Variants in ZNF385D observed in about 807,000 individuals in gnomAD.
The protein encoded by ZNF385D is zinc finger protein 385D, also known as zinc finger protein 659.
Under a neutral mutation model 35.8 loss-of-function variants are expected in ZNF385D, and 15 were observed. The ratio of observed to expected loss-of-function variants is 0.42; its 90% CI spans 0.28 to 0.64. The LOEUF is 0.64. ZNF385D is among the 30% of genes least tolerant of loss of function. ZNF385D has a pLI of 0.23. For synonymous variants in ZNF385D, 212 were observed against 186.8 expected, an observed-to-expected ratio of 1.13 and a Z score of -1.10; for missense variants, 474 against 494.6, an observed-to-expected ratio of 0.96 and a Z score of 0.39.
rs116453221 is a variant in ZNF385D, at chr3:22,108,019, C to T, written c.325+60798G>A. ...TGCCCTTCTGCCTTATACCATGTGA[C>T]GATGCAGAAAGAACGCCCTTACTAG... On this transcript the variant is annotated intron_variant, in intron 3 of 5. Transcript: ENST00000494108. Among the ~76,000 whole-genome samples the T allele has an allele frequency of 2.2e-3, 334 of 151,518 alleles. 1 individual carries two copies. Among genetic ancestry groups the T allele is most frequent in the African/African-American group, 7.7e-3 (319 of 41,288 alleles).
intron 3 of ZNF385D, among the ~76,000 whole-genome samples, chr3:22,092,532 T>C (rs577124437): frequency 3.3e-5 from 5 of 152,262 alleles, no homozygotes; most frequent in Admixed American, 3.3e-4. Flanking sequence ...AACCCTGCCA[T>C]GCAGATGTTC....
intron 2 of ZNF385D, among the ~76,000 whole-genome samples, chr3:22,267,687 C>G (rs539924976): frequency 1.3e-5 from 2 of 151,824 alleles, no homozygotes; most frequent in Non-Finnish European, 2.9e-5. Flanking sequence ...GTGCAAATAA[C>G]GAATCAACTT....
At chr3:22,028,081 G>A (rs932489824) in intron 3 of ZNF385D, among the ~76,000 whole-genome samples, 4 of 152,198 alleles carry the variant, frequency 2.6e-5, no homozygotes, top group Non-Finnish European at 4.4e-5. Context: ...TTCATGGGCT[G>A]TAGTCAATGG....
intron 3 of ZNF385D, among the ~76,000 whole-genome samples, chr3:22,072,546 T>C (rs775154621): frequency 3.3e-5 from 5 of 152,042 alleles, no homozygotes; most frequent in South Asian, 2.1e-4. Flanking sequence ...AGATTGGTTA[T>C]AGAGTTGCAA....
At chr3:22,000,782 TGAA>T (rs1252925782) in intron 3 of ZNF385D, among the ~76,000 whole-genome samples, 4 of 150,624 alleles carry the variant, frequency 2.7e-5, no homozygotes, top group African/African-American at 9.8e-5. Flanking sequence ...AACCCGTTAA[TGAA>T]GAATAATATA....
intron 1 of ZNF385D, among the ~76,000 whole-genome samples, chr3:21,669,155 C>T (rs114555981): frequency 1.7e-3 from 261 of 152,276 alleles, no homozygotes; most frequent in African/African-American, 6.1e-3. Flanking sequence ...ACAGTTTTAA[C>T]AAATTAGTCT....
chr3:22,147,646 G>T (rs921737488), intron 3 of ZNF385D, among the ~76,000 whole-genome samples: 1 of 152,108 alleles, frequency 6.6e-6, no homozygotes, highest in Non-Finnish European at 1.5e-5. Context: ...ACACCACTCG[G>T]AAAAAGATAA....
intron 2 of ZNF385D, among the ~76,000 whole-genome samples, chr3:22,217,764 G>T (rs1697983445): frequency 6.6e-6 from 1 of 152,136 alleles, no homozygotes; most frequent in Non-Finnish European, 1.5e-5. Flanking sequence ...ACAGCAGAGA[G>T]CTGGAGAGAT....
At chr3:22,265,586 C>G (rs1200658000) in intron 2 of ZNF385D, among the ~76,000 whole-genome samples, 4 of 152,022 alleles carry the variant, frequency 2.6e-5, no homozygotes, top group African/African-American at 9.6e-5. Flanking sequence ...GCTATCAAAT[C>G]AATTTTTGTC....
intron 2 of ZNF385D, among the ~76,000 whole-genome samples, chr3:21,622,377 G>A (rs989808070): frequency 1.3e-5 from 2 of 152,054 alleles, no homozygotes; most frequent in Non-Finnish European, 2.9e-5. Context: ...CACTTAGTTT[G>A]GTACTGAACC....
intron 2 of ZNF385D, among the ~76,000 whole-genome samples, chr3:21,583,649 T>G (rs897822072): frequency 3.9e-5 from 6 of 151,988 alleles, no homozygotes; most frequent in Non-Finnish European, 8.8e-5. Context: ...TTCTGTCACA[T>G]TTTTTGTCTT....
At chr3:22,024,724 T>A (rs1348356577) in intron 3 of ZNF385D, among the ~76,000 whole-genome samples, 1 of 151,658 alleles carries the variant, frequency 6.6e-6, no homozygotes, top group Admixed American at 6.6e-5. Flanking sequence ...AGGCAAGGAG[T>A]TTAGTGACTC....
intron 2 of ZNF385D, among the ~76,000 whole-genome samples, chr3:21,624,427 A>C (rs1480747163): frequency 6.6e-6 from 1 of 152,076 alleles, no homozygotes; most frequent in Non-Finnish European, 1.5e-5. Flanking sequence ...TATCAATGCT[A>C]TTTCCAGCCA....
intron 2 of ZNF385D, among the ~76,000 whole-genome samples, chr3:22,235,818 G>A (rs988279597): frequency 6.6e-6 from 1 of 152,006 alleles, no homozygotes; most frequent in Non-Finnish European, 1.5e-5. Context: ...GTGCAAATTG[G>A]TACTATCTTT....
intron 2 of ZNF385D, among the ~76,000 whole-genome samples, chr3:21,581,833 G>T (rs562098063): frequency 6.6e-6 from 1 of 152,296 alleles, no homozygotes; most frequent in African/African-American, 2.4e-5. Context: ...ACCTTGGGAA[G>T]CTTGTTAAAG....
rs371869769 is a variant in ZNF385D, at chr3:22,299,233, T to C, written c.106+73217A>G. On this transcript the variant is annotated intron_variant, in intron 2 of 5. Coordinates refer to the ZNF385D transcript ENST00000494108. ...ACTATCAGTTCTTTTAAGATTATAA[T>C]TTATATAATGATTATAGCTATTGTA... Among the ~76,000 whole-genome samples the C allele has an allele frequency of 4.6e-5, 7 of 152,036 alleles. No homozygotes were observed. In the South Asian group the frequency reaches 8.3e-4, roughly 18 times the overall value.
chr3:21,836,575 T>A (rs753220413), intron 3 of ZNF385D, among the ~76,000 whole-genome samples: 1 of 152,050 alleles, frequency 6.6e-6, no homozygotes, highest in Non-Finnish European at 1.5e-5. Flanking sequence ...AGGAGCCAGA[T>A]AGATAGTAAG....
chr3:21,631,713 T>G (rs2065285662), intron 2 of ZNF385D, among the ~76,000 whole-genome samples: 1 of 152,126 alleles, frequency 6.6e-6, no homozygotes, highest in Non-Finnish European at 1.5e-5. Flanking sequence ...CCTTTTACTT[T>G]TTGGCTTTCT....
intron 2 of ZNF385D, among the ~76,000 whole-genome samples, chr3:22,362,924 G>A (rs1007353250): frequency 6.6e-6 from 1 of 152,048 alleles, no homozygotes; most frequent in Admixed American, 6.6e-5. Flanking sequence ...GACAGGCATT[G>A]CAAGAGGCAG....
Sources: gnomAD v4.1 joint callset for allele counts (sites outside exome capture counted in the v4.1 genomes callset) on GRCh38, gnomAD v4.1.1 for gene constraint, MANE v1.5 for transcripts, NCBI Gene and HGNC (gene_info 2026-07-23, HGNC 2026-07-21) for gene names.